Variants in CNTNAP5 observed in about 807,000 individuals in gnomAD.
The protein encoded by CNTNAP5 is contactin associated protein family member 5.
Under a neutral mutation model 150.2 loss-of-function variants are expected in CNTNAP5, and 72 were observed. That is an observed-to-expected ratio of 0.48 (90% CI 0.40 to 0.58). The LOEUF (loss-of-function observed/expected upper bound fraction) is 0.58, where lower values mean the gene tolerates loss of function less well. Ranked by LOEUF, CNTNAP5 falls within the 20% of genes least tolerant of loss-of-function variation. CNTNAP5 has a pLI of 0.00. For missense variants in CNTNAP5, 1,636 were observed against 1,626.2 expected (o/e 1.01, Z -0.10); for synonymous variants, 672 against 619.8 (o/e 1.08, Z -1.25).
At chr2:124,837,845 A>T (rs1025037045) in intron 19 of CNTNAP5, among the ~76,000 whole-genome samples, 22 of 152,258 alleles carry the variant, frequency 1.4e-4, no homozygotes, top group African/African-American at 4.8e-4. Context: ...AATTGTACAC[A>T]TTCAATTGAT....
chr2:124,053,555 C>T (rs961829220), intron 1 of CNTNAP5, among the ~76,000 whole-genome samples: 3 of 152,266 alleles, frequency 2.0e-5, no homozygotes, highest in East Asian at 1.9e-4. Context: ...GAACATTTGA[C>T]CTTTCTGAGT....
At chr2:124,057,509 C>T (rs1353153864) in intron 1 of CNTNAP5, among the ~76,000 whole-genome samples, 2 of 128,516 alleles carry the variant, frequency 1.6e-5, no homozygotes, top group Non-Finnish European at 3.1e-5. Flanking sequence ...CCAGGATGGT[C>T]TGGATCTCCT....
chr2:124,727,453 G>T (rs1680181885), intron 13 of CNTNAP5, among the ~76,000 whole-genome samples: 1 of 151,796 alleles, frequency 6.6e-6, no homozygotes, highest in South Asian at 2.1e-4. Context: ...CCATGAAATG[G>T]CCTATTTCTC....
intron 3 of CNTNAP5, among the ~76,000 whole-genome samples, chr2:124,371,316 G>C (rs1248190170): frequency 1.3e-5 from 2 of 152,140 alleles, no homozygotes; most frequent in Non-Finnish European, 2.9e-5. Flanking sequence ...GACATCTGCA[G>C]TCTCATCATA....
chr2:124,265,783 T>C (rs1687589295), intron 3 of CNTNAP5, among the ~76,000 whole-genome samples: 1 of 152,024 alleles, frequency 6.6e-6, no homozygotes, highest in African/African-American at 2.4e-5. Flanking sequence ...CAGCTCTGGT[T>C]GGACTACACA....
At chr2:124,275,935 T>G (rs2104617667) in intron 3 of CNTNAP5, among the ~76,000 whole-genome samples, 1 of 152,298 alleles carries the variant, frequency 6.6e-6, no homozygotes, top group Admixed American at 6.5e-5. Context: ...GACTTTTAGT[T>G]GCCCTGCCAA....
At chr2:124,123,836 G>A (rs1445086889) in intron 1 of CNTNAP5, among the ~76,000 whole-genome samples, 4 of 152,190 alleles carry the variant, frequency 2.6e-5, no homozygotes, top group African/African-American at 9.6e-5. Context: ...ACCTGCAGCT[G>A]AGGGTTCTGA....
At chr2:124,429,264 C>A (rs1692314497) in intron 4 of CNTNAP5, among the ~76,000 whole-genome samples, 2 of 151,664 alleles carry the variant, frequency 1.3e-5, no homozygotes, top group Non-Finnish European at 2.9e-5. Flanking sequence ...CATGTGCTAT[C>A]ATGCATAGGA....
chr2:124,173,432 G>C (rs1684984790), intron 1 of CNTNAP5, among the ~76,000 whole-genome samples: 1 of 152,180 alleles, frequency 6.6e-6, no homozygotes, highest in Non-Finnish European at 1.5e-5. Flanking sequence ...TGAAGAAAAA[G>C]TTCCTGAAGG....
At chr2:124,832,230 A>T (rs1682730945) in intron 19 of CNTNAP5, among the ~76,000 whole-genome samples, 1 of 152,100 alleles carries the variant, frequency 6.6e-6, no homozygotes, top group Non-Finnish European at 1.5e-5. Context: ...AAACAAGCTT[A>T]TTTATTAAGG....
rs114320551 is a variant in CNTNAP5, at chr2:124,164,761, A to G, written c.83-56944A>G. Among the ~76,000 whole-genome samples the G allele has an allele frequency of 5.7e-3, 867 of 152,322 alleles. 5 individuals are homozygous for G. Among genetic ancestry groups the G allele is most frequent in the African/African-American group, 0.02 (834 of 41,572 alleles). On this transcript the variant is annotated intron_variant, in intron 1 of 23. Transcript: ENST00000682447. ...TGTGGATTTCATTCTAAGCATAATC[A>G]TAAGACACTGGAGGCTTTTGGGTAG...
intron 19 of CNTNAP5, among the ~76,000 whole-genome samples, chr2:124,806,720 G>A (rs892836191): frequency 1.5e-4 from 23 of 152,154 alleles, no homozygotes; most frequent in African/African-American, 5.3e-4. Flanking sequence ...TGCACAAAGT[G>A]CCTTGGTTCT....
rs1323786418 is a variant in CNTNAP5, at chr2:124,434,578, G to A, written c.624G>A (p.Lys208=). Residue 208 remains lysine, a synonymous_variant, in exon 5 of 24, where the codon AAG becomes AAA. Coordinates refer to ENST00000682447, the MANE Select transcript of CNTNAP5 (RefSeq NM_001367498.1). ...CTCTCAAAGATGTGATCTCCCTGAAGTTCAAGAGCATGCAAGGAGATGGGG... is the reference window on the plus strand; with the variant it reads ...CTCTCAAAGATGTGATCTCCCTGAAATTCAAGAGCATGCAAGGAGATGGGG... ...MSTLKDVISL[K]FKSMQGDGVL... is the part of the protein sequence containing the mutation. 1.2e-6 allele frequency: 2 copies of A among 1,613,858 alleles called. No homozygotes were observed. Among genetic ancestry groups the A allele is most frequent in the Non-Finnish European group, 1.7e-6 (2 of 1,179,862 alleles).
chr2:124,761,321 A>G (rs1680951018), intron 14 of CNTNAP5, among the ~76,000 whole-genome samples: 1 of 152,146 alleles, frequency 6.6e-6, no homozygotes, highest in Non-Finnish European at 1.5e-5. Flanking sequence ...TGACCTTAAA[A>G]GCAGGAATAA....
At chr2:124,275,177 G>C (rs1558830328) in intron 3 of CNTNAP5, among the ~76,000 whole-genome samples, 1 of 152,060 alleles carries the variant, frequency 6.6e-6, no homozygotes, top group African/African-American at 2.4e-5. Context: ...CCTGACACTG[G>C]GTCCCTCCCA....
chr2:124,603,468 AAT>A (rs1396120806), intron 11 of CNTNAP5, among the ~76,000 whole-genome samples: 11 of 152,152 alleles, frequency 7.2e-5, no homozygotes, highest in Non-Finnish European at 1.5e-4. Flanking sequence ...ATATCCCATT[AAT>A]GTTTCAACTA....
At chr2:124,607,518 A>G (rs115841834) in intron 11 of CNTNAP5, among the ~76,000 whole-genome samples, 147 of 152,320 alleles carry the variant, frequency 9.7e-4, no homozygotes, top group African/African-American at 3.2e-3. Context: ...CAGTAAGTCC[A>G]GCCCACTTGG....
intron 11 of CNTNAP5, among the ~76,000 whole-genome samples, chr2:124,597,749 G>T (rs1020087140): frequency 6.6e-6 from 1 of 151,872 alleles, no homozygotes; most frequent in African/African-American, 2.4e-5. Context: ...TTTCCAACTT[G>T]GTTCCATTCT....
rs1553466547 is a variant in CNTNAP5, at chr2:124,419,153, A to AAAAAAAAC, written c.529+1570_529+1571insCAAAAAAA. Among the ~76,000 whole-genome samples the AAAAAAAAC allele has an allele frequency of 4.2e-4, 32 of 76,420 alleles. 2 individuals carry two copies. The highest frequency in any genetic ancestry group is 8.2e-3 in the Middle Eastern group (1 of 122). The allele number at this position is 76,420 out of a possible 152,430, so 50.1% of individuals were successfully genotyped here. ...GAGACTCCTTCTCAAAAAAAAAAAA[A>AAAAAAAAC]AAAAAAAAAACAGTATGAAGCTTTT... On this transcript the variant is annotated intron_variant, in intron 4 of 23. Transcript: ENST00000682447.
Sources: gnomAD v4.1 joint callset for allele counts (sites outside exome capture counted in the v4.1 genomes callset) on GRCh38, gnomAD v4.1.1 for gene constraint, MANE v1.5 for transcripts, NCBI Gene and HGNC (gene_info 2026-07-23, HGNC 2026-07-21) for gene names.